The following ZNF117 variants were observed in gnomAD, a reference collection of about 807,000 sequenced individuals.
ZNF117 encodes Krueppel-related zinc finger protein.
A neutral mutation model predicts 41.2 loss-of-function variants in ZNF117; 37 were observed. That is an observed-to-expected ratio of 0.90 (90% confidence interval 0.69 to 1.18). ZNF117 has a LOEUF of 1.18. Among genes scored for constraint, ZNF117 ranks in the 50% most tolerant of loss-of-function variants. The probability of loss-of-function intolerance (pLI) is 0.00; values close to 1 mark genes in which losing one functional copy is unlikely to be tolerated. For missense variants in ZNF117, 546 were observed against 557.5 expected (o/e 0.98, Z 0.21); for synonymous variants, 186 against 186.6 (o/e 1.00, Z 0.02).
In ZNF117 at chr7:64,977,618, G is replaced by C. The variant is rs894587280; in HGVS notation, c.*501C>G. 142 of 668,754 alleles carry C rather than the reference G, an allele frequency of 2.1e-4. 1 individual carries two copies. Among genetic ancestry groups the C allele is most frequent in the African/African-American group, 2.1e-3 (117 of 55,540 alleles). 41.4% of individuals were successfully genotyped at this position (668,754 alleles called of 1,614,324 possible). A position where few individuals can be genotyped will look rare whatever the true frequency, so the allele number is the denominator to read the frequency against. On this transcript the variant is annotated 3_prime_UTR_variant, in exon 3 of 3. Transcript: ENST00000620222. ...TATGTATAGTAAGAGTTGACACTTG[G>C]CTAAAAGCTTTGCCACATTCTTCAC...
chr7:64,971,891 A>G (rs976451777), downstream of ZNF117: 21 of 152,082 alleles, frequency 1.4e-4, no homozygotes, highest in African/African-American at 5.1e-4. Context: ...TACAATCAAC[A>G]AAATGAGACA....
At chr7:64,978,097 T>A (rs771415659) in exon 3 of ZNF117, 3 of 1,599,738 alleles carry the variant, frequency 1.9e-6, no homozygotes, top group Admixed American at 3.4e-5. Flanking sequence ...TGAATTTTCT[T>A]GTGTTCAATG....
At chr7:64,973,096 G>T (rs1449401145), downstream of ZNF117, 1 of 151,778 alleles carries the variant, frequency 6.6e-6, no homozygotes, top group Non-Finnish European at 1.5e-5. Context: ...CTATAGTTAG[G>T]TGACAAAAAG....
chr7:64,985,909 C>T (rs182501180), upstream of ZNF117, among the ~76,000 whole-genome samples: 262 of 132,788 alleles, frequency 2.0e-3, no homozygotes, highest in African/African-American at 7.4e-3. Flanking sequence ...CCAGATCATG[C>T]CATTGCACTC....
exon 3 of ZNF117, chr7:64,979,082 T>G (rs1448470807): frequency 2.5e-6 from 4 of 1,612,990 alleles, no homozygotes; most frequent in Middle Eastern, 1.7e-4. Context: ...ATTTGTAAGG[T>G]TTTTCTCCAG....
intron 1 of ZNF117, among the ~76,000 whole-genome samples, chr7:64,988,999 C>A (rs1786194949): frequency 6.6e-6 from 1 of 151,962 alleles, no homozygotes; most frequent in Admixed American, 6.6e-5. Context: ...AGATCAATAT[C>A]ATTAAAATGG....
exon 3 of ZNF117, chr7:64,978,142 C>G: frequency 6.2e-7 from 1 of 1,610,000 alleles, no homozygotes; most frequent in Admixed American, 1.7e-5. Flanking sequence ...TTGCCACATT[C>G]ATCACATTTG....
At position 64,981,879 on chromosome 7, in the gene ZNF117, G is replaced by A. The variant is rs865943463; in HGVS notation, c.-63+105C>T. ...AATCTAAAAGATTTTTTTGAAAACA[G>A]GGATCTGAAACTCAATTTATGCAAA... is the stretch of plus-strand genomic sequence containing the variant. On this transcript the variant is annotated intron_variant, in intron 1 of 2. Transcript: ENST00000620222. 84 of 392,234 alleles carry A rather than the reference G, an allele frequency of 2.1e-4. 1 individual carries two copies. Among genetic ancestry groups the A allele is most frequent in the Middle Eastern group, 6.9e-4 (2 of 2,880 alleles). The allele number at this position is 392,234 out of a possible 1,614,324, so 24.3% of individuals were successfully genotyped here. A position where few individuals can be genotyped will look rare whatever the true frequency, so the allele number is the denominator to read the frequency against.
At chr7:64,978,069 T>TG in exon 3 of ZNF117, 1 of 1,569,116 alleles carries the variant, frequency 6.4e-7, no homozygotes, top group Non-Finnish European at 8.7e-7. Context: ...TTCACACTTG[T>TG]AAGGTTTCTC....
chr7:64,981,694 T>C (rs1047779228), intron 1 of ZNF117, among the ~76,000 whole-genome samples: 1 of 152,034 alleles, frequency 6.6e-6, no homozygotes, highest in Non-Finnish European at 1.5e-5. Flanking sequence ...AAAACAATTG[T>C]TGTTGGGAGT....
At position 64,990,910 on chromosome 7, in the gene ZNF117, G is replaced by A; in HGVS notation, c.-1159C>T. 9.0e-6 allele frequency: 2 copies of A among 221,680 alleles called. No homozygotes were observed. The highest frequency in any genetic ancestry group is 1.9e-4 in the East Asian group (2 of 10,292). The allele number at this position is 221,680 out of a possible 1,614,324, so 13.7% of individuals were successfully genotyped here. A position where few individuals can be genotyped will look rare whatever the true frequency, so the allele number is the denominator to read the frequency against. On this transcript the variant is annotated 5_prime_UTR_variant, in exon 1 of 4. An upstream open reading frame in the 5' UTR gains an earlier in-frame stop. Transcript: ENST00000282869. ...ACTTGTTTTTCCTTTTATATTTCCT[G>A]CTTCATTCCCCCCTTTGATGCTTTT...
upstream of ZNF117, among the ~76,000 whole-genome samples, chr7:64,985,627 T>C (rs955143280): frequency 2.0e-5 from 3 of 152,090 alleles, no homozygotes; most frequent in Non-Finnish European, 4.4e-5. Context: ...AGAAAAAATA[T>C]ACATAAAATT....
intron 2 of ZNF117, chr7:64,980,692 T>TAA (rs1786005615): frequency 6.6e-6 from 1 of 152,062 alleles, no homozygotes; most frequent in Non-Finnish European, 1.5e-5. Flanking sequence ...ATATGTTATT[T>TAA]ATAAGCATAG....
intron 1 of ZNF117, 52 bp from the exon 3 acceptor site, chr7:64,981,534 C>T: frequency 1.4e-6 from 2 of 1,424,324 alleles, no homozygotes; most frequent in Non-Finnish European, 9.9e-7. Flanking sequence ...CTCCAATTAC[C>T]AACTTGGTAA....
At chr7:64,989,336 G>T (rs1057426037) in intron 1 of ZNF117, among the ~76,000 whole-genome samples, 5 of 150,360 alleles carry the variant, frequency 3.3e-5, no homozygotes, top group Non-Finnish European at 7.4e-5. Flanking sequence ...AATGAGGTTG[G>T]AATAACTAGC....
exon 3 of ZNF117, chr7:64,975,069 T>C (rs1455838377): frequency 2.6e-5 from 4 of 151,986 alleles, no homozygotes. Context: ...TTAAAGTCAC[T>C]GGCAAGAGAA....
At chr7:64,981,598 G>T in intron 1 of ZNF117, 116 bp from the exon 3 acceptor site, 3 of 915,810 alleles carry the variant, frequency 3.3e-6, no homozygotes, top group Non-Finnish European at 1.6e-6. Context: ...ATCCCCAAAT[G>T]CTAATTTATA....
exon 3 of ZNF117, chr7:64,975,699 A>C (rs367818832): frequency 6.6e-6 from 1 of 152,140 alleles, no homozygotes; most frequent in East Asian, 1.9e-4. Flanking sequence ...TATAACTAAA[A>C]ATATTTCTAC....
At chr7:64,987,798 A>G (rs570258063) in intron 1 of ZNF117, among the ~76,000 whole-genome samples, 1 of 150,754 alleles carries the variant, frequency 6.6e-6, no homozygotes, top group South Asian at 2.1e-4. Flanking sequence ...TGCCTGGGCA[A>G]TATAGTGAGA....
Sources: gnomAD v4.1 joint callset for allele counts (sites outside exome capture counted in the v4.1 genomes callset) on GRCh38, gnomAD v4.1.1 for gene constraint, MANE v1.5 for transcripts, NCBI Gene and HGNC (gene_info 2026-07-23, HGNC 2026-07-21) for gene names.